Variants in XPNPEP3 observed in about 807,000 individuals in gnomAD.
The protein encoded by XPNPEP3 is xaa-Pro aminopeptidase 3.
A neutral mutation model predicts 60.0 loss-of-function variants in XPNPEP3; 41 were observed. The observed-to-expected ratio is 0.68, with a 90% CI of 0.53 to 0.89. The LOEUF is 0.89. Among genes scored for constraint, XPNPEP3 ranks in the 40% least tolerant of loss-of-function variants. XPNPEP3 has a pLI of 0.00. For synonymous variants in XPNPEP3, 212 were observed against 223.2 expected (o/e 0.95, Z 0.45); for missense variants, 598 against 638.9 (o/e 0.94, Z 0.69).
rs924234503 is a variant in XPNPEP3 at position 40,932,330 on chromosome 22, T to C, written c.*5895T>C. 3.3e-5 allele frequency: 5 copies of C among 151,358 alleles called. No homozygotes were observed. Among genetic ancestry groups the C allele is most frequent in the African/African-American group, 1.2e-4 (5 of 40,788 alleles). 9.4% of individuals were successfully genotyped at this position (151,358 alleles called of 1,614,324 possible). On this transcript the variant is annotated 3_prime_UTR_variant, in exon 10 of 10. Transcript: ENST00000357137. ...CTGCTTAGAAGAGGTTTTTATGGTG[T>C]GATTGTGTTTTTTTTTTTTTAATTT...
chr22:40,898,017 C>A (rs975769082), intron 4 of XPNPEP3, among the ~76,000 whole-genome samples: 11 of 151,992 alleles, frequency 7.2e-5, no homozygotes, highest in African/African-American at 2.7e-4. Context: ...TGCAAATATT[C>A]TCCCATTATG....
chr22:40,857,486 C>T (rs2057908786), intron 1 of XPNPEP3, among the ~76,000 whole-genome samples: 2 of 152,242 alleles, frequency 1.3e-5, no homozygotes, highest in African/African-American at 2.4e-5. Context: ...TGTGCCATCC[C>T]CCAGAGGGGC....
chr22:40,861,596 A>C (rs749106346), intron 1 of XPNPEP3: 25 of 1,613,060 alleles, frequency 1.5e-5, no homozygotes, highest in African/African-American at 6.7e-5. Flanking sequence ...AGTATCCTGC[A>C]TCTCTGTTTC....
chr22:40,866,912 A>T (rs2057981148), intron 1 of XPNPEP3, among the ~76,000 whole-genome samples: 1 of 152,218 alleles, frequency 6.6e-6, no homozygotes, highest in Non-Finnish European at 1.5e-5. Context: ...TGAAAAAGGA[A>T]TCAGTTAACT....
intron 2 of XPNPEP3, among the ~76,000 whole-genome samples, chr22:40,873,058 A>T (rs1262399913): frequency 6.6e-6 from 1 of 150,454 alleles, no homozygotes. Context: ...TGACATATGT[A>T]GAACCACTTC....
intron 9 of XPNPEP3, among the ~76,000 whole-genome samples, chr22:40,925,702 A>G (rs909430961): frequency 2.0e-5 from 3 of 152,176 alleles, no homozygotes; most frequent in Non-Finnish European, 4.4e-5. Context: ...AATGTACATT[A>G]AAGTCTTTCA....
At chr22:40,906,021 G>A (rs1014523785) in intron 4 of XPNPEP3, among the ~76,000 whole-genome samples, 1 of 152,056 alleles carries the variant, frequency 6.6e-6, no homozygotes, top group African/African-American at 2.4e-5. Flanking sequence ...TCAAACTCTT[G>A]ACCTCATGAT....
intron 1 of XPNPEP3, 137 bp downstream of exon 1, chr22:40,857,382 C>T (rs999018992): frequency 1.0e-5 from 10 of 980,988 alleles, no homozygotes; most frequent in African/African-American, 8.1e-5. Flanking sequence ...CCGCGGATTT[C>T]TTCTATACCG....
chr22:40,887,635 C>G (rs1466931936), intron 4 of XPNPEP3, among the ~76,000 whole-genome samples: 1 of 152,094 alleles, frequency 6.6e-6, no homozygotes, highest in African/African-American at 2.4e-5. Context: ...CTCCTAAAGA[C>G]ATAGAGATTA....
chr22:40,870,992 G>A (rs1008783989), intron 2 of XPNPEP3, among the ~76,000 whole-genome samples: 1 of 151,978 alleles, frequency 6.6e-6, no homozygotes, highest in Non-Finnish European at 1.5e-5. Flanking sequence ...TTGTGCCACT[G>A]CACTCCAGCT....
At chr22:40,904,021 T>C (rs927606145) in intron 4 of XPNPEP3, among the ~76,000 whole-genome samples, 1 of 152,086 alleles carries the variant, frequency 6.6e-6, no homozygotes, top group Non-Finnish European at 1.5e-5. Context: ...CAGGGTGAAA[T>C]GCAAAGAAAG....
At chr22:40,914,140 C>T (rs144218113) in intron 6 of XPNPEP3, 99 bp from the exon 7 acceptor site, 4 of 997,816 alleles carry the variant, frequency 4.0e-6, no homozygotes, top group Non-Finnish European at 4.6e-6. Context: ...GAAACTCCGT[C>T]TCAGAAAAAA....
chr22:40,859,313 G>A (rs898438171), intron 1 of XPNPEP3, among the ~76,000 whole-genome samples: 2 of 152,104 alleles, frequency 1.3e-5, no homozygotes, highest in African/African-American at 2.4e-5. Flanking sequence ...TCCTTTAGAT[G>A]GTGGGAAAAC....
chr22:40,869,814 C>G (rs1474190581), intron 2 of XPNPEP3, among the ~76,000 whole-genome samples: 1 of 152,114 alleles, frequency 6.6e-6, no homozygotes, highest in African/African-American at 2.4e-5. Flanking sequence ...ATGAATATCT[C>G]AGAGAGGAAG....
intron 7 of XPNPEP3, among the ~76,000 whole-genome samples, chr22:40,918,323 A>G (rs933581505): frequency 1.3e-5 from 2 of 152,162 alleles, no homozygotes; most frequent in Admixed American, 1.3e-4. Flanking sequence ...ACGGTGAACT[A>G]TGATCACATC....
At chr22:40,868,432 T>C (rs969660383) in intron 1 of XPNPEP3, among the ~76,000 whole-genome samples, 1 of 150,438 alleles carries the variant, frequency 6.6e-6, no homozygotes, top group Admixed American at 6.6e-5. Flanking sequence ...TGTGTGCGTG[T>C]GTGTGTGTGT....
In XPNPEP3 at chr22:40,926,464, G is replaced by C. The variant is rs1241734420; in HGVS notation, c.*29G>C. 1.9e-6 allele frequency: 3 copies of C among 1,613,648 alleles called. No homozygotes were observed. In the East Asian group the frequency reaches 6.7e-5, roughly 36 times the overall value. ...TCACTGCGGCCCACATGCACCTCAG[G>C]TTCAAAATGGGTGTCTTCTGGCAGC... On this transcript the variant is annotated 3_prime_UTR_variant, in exon 10 of 10. Coordinates refer to ENST00000357137, the MANE Select transcript of XPNPEP3 (RefSeq NM_022098.4).
chr22:40,865,173 A>G (rs548703980), intron 1 of XPNPEP3, among the ~76,000 whole-genome samples: 2 of 152,000 alleles, frequency 1.3e-5, no homozygotes, highest in African/African-American at 4.8e-5. Context: ...CTTACATCCT[A>G]TTCCCTCCTT....
intron 4 of XPNPEP3, 27 bp downstream of exon 4, chr22:40,886,542 C>G: frequency 6.2e-7 from 1 of 1,608,640 alleles, no homozygotes. Context: ...AAAGTTTTTT[C>G]CAGCCGGGCG....
Sources: allele counts gnomAD v4.1 joint callset (sites outside exome capture counted in the v4.1 genomes callset), GRCh38; gene constraint gnomAD v4.1.1; transcripts MANE v1.5; gene names NCBI Gene and HGNC (gene_info 2026-07-23, HGNC 2026-07-21).